DMD: variants seen among roughly 807,000 people sequenced by gnomAD.
DMD encodes dystrophin, also known as mutant dystrophin.
In DMD, 63 loss-of-function variants were observed where a neutral mutation model predicts 330.1. The ratio of observed to expected loss-of-function variants is 0.19; its 90% CI spans 0.16 to 0.24. The LOEUF (loss-of-function observed/expected upper bound fraction) is 0.24, where lower values mean the gene tolerates loss of function less well. Ranked by LOEUF, DMD falls within the 10% of genes least tolerant of loss-of-function variation. The pLI, the probability that DMD is intolerant of heterozygous loss-of-function variation, is 1.00. For synonymous variants in DMD, 1,223 were observed against 959.8 expected (o/e 1.27, Z -5.07); for missense variants, 3,344 against 2,684.1 (o/e 1.25, Z -5.43).
At chrX:32,214,818 C>T (rs759556183) in intron 44 of DMD, among the ~76,000 whole-genome samples, 15 of 111,756 alleles carry the variant, frequency 1.3e-4, no homozygotes, top group Middle Eastern at 4.7e-3. Context: ...ATCAAGCACG[C>T]GCTAAGTTAA....
chrX:31,635,794 A>T (rs1249745267), intron 54 of DMD, among the ~76,000 whole-genome samples: 1 of 111,662 alleles, frequency 9.0e-6, no homozygotes, highest in Non-Finnish European at 1.9e-5. Flanking sequence ...AGCAAAGCAC[A>T]TGAACAGACA....
chrX:32,434,192 G>C (rs1320625410), intron 29 of DMD, among the ~76,000 whole-genome samples: 2 of 112,048 alleles, frequency 1.8e-5, no homozygotes, highest in African/African-American at 6.5e-5. Context: ...AGAAACATTA[G>C]GTAGGTGATA....
rs999876346 is a variant in DMD at position 32,201,478 on chromosome X, C to A, written c.6438+15438G>T. ...ATATGCAAATTCAAACACCCCCCCC[C>A]CCCCCAACAAGGAGGCCATATTTAG... On this transcript the variant is annotated intron_variant, in intron 44 of 78. Coordinates refer to ENST00000357033, the MANE Select transcript of DMD (RefSeq NM_004006.3). Among the ~76,000 whole-genome samples, 95 of 94,857 alleles carry A rather than the reference C, an allele frequency of 1.0e-3. 2 individuals are homozygous for A. The highest frequency in any genetic ancestry group is 1.8e-3 in the Admixed American group (16 of 9,129). The allele number at this position is 94,857 out of a possible 115,157, so 82.4% of individuals were successfully genotyped here. A position where few individuals can be genotyped will look rare whatever the true frequency, so the allele number is the denominator to read the frequency against.
At chrX:32,768,178 A>C (rs1291035780) in intron 7 of DMD, among the ~76,000 whole-genome samples, 2 of 112,092 alleles carry the variant, frequency 1.8e-5, no homozygotes, top group Non-Finnish European at 3.8e-5. Flanking sequence ...TAAAAAATGA[A>C]TATGCTATCT....
intron 42 of DMD, among the ~76,000 whole-genome samples, chrX:32,288,939 T>C (rs1391557991): frequency 3.6e-5 from 4 of 111,415 alleles, no homozygotes; most frequent in African/African-American, 1.3e-4. Flanking sequence ...ACAAGAAGGA[T>C]GGGTAATATA....
At chrX:32,837,350 A>T (rs181945141) in intron 4 of DMD, among the ~76,000 whole-genome samples, 1 of 111,585 alleles carries the variant, frequency 9.0e-6, no homozygotes, top group African/African-American at 3.3e-5. Context: ...ACACTGGAGG[A>T]TTCTATGGAG....
At chrX:33,075,191 T>C (rs1406959166) in intron 1 of DMD, among the ~76,000 whole-genome samples, 1 of 111,960 alleles carries the variant, frequency 8.9e-6, no homozygotes, top group Non-Finnish European at 1.9e-5. Flanking sequence ...TGGCTCCACC[T>C]GCACCTGCCA....
At chrX:33,041,241 A>G (rs1221287398) in intron 1 of DMD, among the ~76,000 whole-genome samples, 3 of 113,397 alleles carry the variant, frequency 2.6e-5, no homozygotes, top group African/African-American at 9.6e-5. Flanking sequence ...GGAAGGTATG[A>G]CACTATAATG....
At chrX:32,307,045 C>A (rs1180639380) in intron 42 of DMD, among the ~76,000 whole-genome samples, 5 of 111,250 alleles carry the variant, frequency 4.5e-5, no homozygotes, top group Admixed American at 3.8e-4. Flanking sequence ...AAGGCATGAA[C>A]TATTTCTAAG....
chrX:31,482,236 T>TG (rs112500192), intron 57 of DMD, among the ~76,000 whole-genome samples: 1,474 of 84,949 alleles, frequency 0.017, 57 homozygotes, highest in African/African-American at 0.064. Context: ...TGTGTGTGTG[T>TG]GGGGGGGGTG....
At chrX:33,219,695 G>A (rs938037384) in intron 1 of DMD, among the ~76,000 whole-genome samples, 32 of 111,292 alleles carry the variant, frequency 2.9e-4, no homozygotes, top group African/African-American at 1.0e-3. Context: ...GTTTTATGAG[G>A]TAAATGTACA....
intron 1 of DMD, among the ~76,000 whole-genome samples, chrX:33,233,344 G>T (rs1404282486): frequency 9.0e-6 from 1 of 111,475 alleles, no homozygotes; most frequent in Non-Finnish European, 1.9e-5. Context: ...TGTACATTAG[G>T]GTTCACAGCA....
At chrX:32,901,377 C>G (rs2086225527) in intron 2 of DMD, among the ~76,000 whole-genome samples, 1 of 111,658 alleles carries the variant, frequency 9.0e-6, no homozygotes. Flanking sequence ...TTTGAAAGTA[C>G]CTGCATTCAA....
intron 67 of DMD, among the ~76,000 whole-genome samples, chrX:31,200,439 C>A (rs1013236469): frequency 3.0e-4 from 34 of 111,917 alleles, no homozygotes; most frequent in African/African-American, 1.1e-3. Flanking sequence ...ATAATAAAAG[C>A]AAAATCTCCA....
intron 4 of DMD, among the ~76,000 whole-genome samples, chrX:32,844,167 G>T (rs1246432353): frequency 9.0e-6 from 1 of 111,492 alleles, no homozygotes; most frequent in African/African-American, 3.3e-5. Context: ...CACTTCGGGA[G>T]GCTGAGGCAG....
intron 2 of DMD, among the ~76,000 whole-genome samples, chrX:32,857,250 C>T (rs925996583): frequency 1.8e-5 from 2 of 111,918 alleles, no homozygotes; most frequent in Non-Finnish European, 3.8e-5. Context: ...AACAAAGCAA[C>T]TTTACTATAC....
intron 2 of DMD, among the ~76,000 whole-genome samples, chrX:32,955,015 G>T (rs750952760): frequency 1.3e-4 from 14 of 111,725 alleles, no homozygotes; most frequent in Non-Finnish European, 2.4e-4. Flanking sequence ...GTGTGCATGT[G>T]CCTTTGTAAT....
chrX:31,126,749 C>G (rs1218389270), intron 77 of DMD, 76 bp from the exon 78 acceptor site: 10 of 713,590 alleles, frequency 1.4e-5, no homozygotes, highest in Non-Finnish European at 2.1e-5. Flanking sequence ...CAATTTCATA[C>G]CAATTTGCTT....
intron 67 of DMD, among the ~76,000 whole-genome samples, chrX:31,196,352 T>C (rs919760205): frequency 9.0e-6 from 1 of 110,901 alleles, no homozygotes; most frequent in Admixed American, 9.6e-5. Context: ...AAATACCAAA[T>C]TGTAGTAACT....
Sources: gnomAD v4.1 joint callset for allele counts (sites outside exome capture counted in the v4.1 genomes callset) on GRCh38, gnomAD v4.1.1 for gene constraint, MANE v1.5 for transcripts, NCBI Gene and HGNC (gene_info 2026-07-23, HGNC 2026-07-21) for gene names.